MGAT4C: variants seen among roughly 807,000 people sequenced by gnomAD.
MGAT4C encodes alpha-1,3-mannosyl-glycoprotein 4-beta-N-acetylglucosaminyltransferase C.
Under a neutral mutation model 40.1 loss-of-function variants are expected in MGAT4C, and 19 were observed. The observed-to-expected ratio is 0.47, with a 90% CI of 0.33 to 0.70. MGAT4C has a LOEUF of 0.70. MGAT4C is among the 30% of genes least tolerant of loss of function. The pLI is 0.02. For synonymous variants in MGAT4C, 181 were observed against 187.1 expected (o/e 0.97, Z 0.27); for missense variants, 491 against 563.2 (o/e 0.87, Z 1.30).
intron 3 of MGAT4C, among the ~76,000 whole-genome samples, chr12:86,363,948 T>C (rs550761762): frequency 7.5e-6 from 1 of 133,608 alleles, no homozygotes; most frequent in South Asian, 2.7e-4. Context: ...ACCAAATCTC[T>C]TTCTCACTCT....
At position 85,964,341 on chromosome 12, in the gene MGAT4C, C is replaced by G. The variant is rs998866089; in HGVS notation, c.*14948G>C. ...AGACAAATGTATAGGATATTTTTCTCTGTTGTTATGCAAGGATTTATTATC... is the reference window on the plus strand; with the variant it reads ...AGACAAATGTATAGGATATTTTTCTGTGTTGTTATGCAAGGATTTATTATC... On this transcript the variant is annotated 3_prime_UTR_variant, in exon 5 of 5. Transcript: ENST00000611864. 2 of 151,942 alleles carry G rather than the reference C, an allele frequency of 1.3e-5. No individual in the cohort carries two copies. The highest frequency in any genetic ancestry group is 4.8e-5 in the African/African-American group (2 of 41,412). The allele number at this position is 151,942 out of a possible 1,614,324, so 9.4% of individuals were successfully genotyped here.
rs970154646 is a variant in MGAT4C, at chr12:86,803,235, C to T, written c.-262+35431G>A. Among the ~76,000 whole-genome samples the T allele has an allele frequency of 2.3e-4, 35 of 150,358 alleles. No homozygotes were observed. The East Asian group carries it at 4.5e-3, about 19-fold the overall frequency. On this transcript the variant is annotated intron_variant, in intron 1 of 7. Coordinates refer to the MGAT4C transcript ENST00000548651. Reference sequence around the variant, plus strand: ...ATATGTAGAAAGCTGAAACTGGATCCCTCCCTTACACCTTATACAAAAATC... The same window carrying T: ...ATATGTAGAAAGCTGAAACTGGATCTCTCCCTTACACCTTATACAAAAATC...
chr12:86,159,248 G>A (rs1279438124), intron 1 of MGAT4C, among the ~76,000 whole-genome samples: 1 of 152,016 alleles, frequency 6.6e-6, no homozygotes, highest in East Asian at 1.9e-4. Flanking sequence ...ATGATGGGAT[G>A]CTGGATTTTA....
intron 1 of MGAT4C, among the ~76,000 whole-genome samples, chr12:86,249,491 C>A (rs886741912): frequency 5.9e-5 from 9 of 152,130 alleles, no homozygotes; most frequent in Non-Finnish European, 1.0e-4. Context: ...AGGAAGCATT[C>A]CTCATTTTCT....
chr12:86,053,280 A>G (rs1893068553), intron 1 of MGAT4C, among the ~76,000 whole-genome samples: 1 of 151,046 alleles, frequency 6.6e-6, no homozygotes. Flanking sequence ...TGAGATGACT[A>G]AGAGACAAAT....
At chr12:86,216,274 C>T (rs1161535570) in intron 1 of MGAT4C, among the ~76,000 whole-genome samples, 2 of 152,030 alleles carry the variant, frequency 1.3e-5, no homozygotes. Context: ...ATCAGAAACA[C>T]CAAGAAAGTA....
rs191918941 is a variant in MGAT4C at position 86,356,006 on chromosome 12, C to G, written c.-119-21879G>C. Among the ~76,000 whole-genome samples the G allele has an allele frequency of 3.9e-3, 599 of 151,862 alleles. 1 individual carries two copies. Among genetic ancestry groups the G allele is most frequent in the Non-Finnish European group, 6.8e-3 (460 of 67,948 alleles). On this transcript the variant is annotated intron_variant, in intron 3 of 7. Transcript: ENST00000548651. ...GAGGGGGTTGCATAAATAAAGAAAC[C>G]CAGATGGTGGTAAGATATCTAGATT...
chr12:86,070,081 T>G (rs1200172877), intron 1 of MGAT4C, among the ~76,000 whole-genome samples: 1 of 150,036 alleles, frequency 6.7e-6, no homozygotes, highest in Non-Finnish European at 1.5e-5. Flanking sequence ...GTAGGAACTT[T>G]GCATTGGATT....
Position 85,964,389 on chromosome 12 carries a change from A to C in MGAT4C, c.*14900T>G, listed in dbSNP as rs1883254027. 1 of 152,100 alleles carries C rather than the reference A, an allele frequency of 6.6e-6. No individual in the cohort carries two copies. Among genetic ancestry groups the C allele is most frequent in the Non-Finnish European group, 1.5e-5 (1 of 67,980 alleles). 9.4% of individuals were successfully genotyped at this position (152,100 alleles called of 1,614,324 possible). A position where few individuals can be genotyped will look rare whatever the true frequency, so the allele number is the denominator to read the frequency against. On this transcript the variant is annotated 3_prime_UTR_variant, in exon 5 of 5. Transcript: ENST00000611864. ...ATCACATTGGCCACAGAACACATAG[A>C]ATGTTAGTTTTGTAGAAAATTTTAG...
At chr12:86,425,269 T>C (rs533889856) in intron 3 of MGAT4C, among the ~76,000 whole-genome samples, 8 of 152,160 alleles carry the variant, frequency 5.3e-5, no homozygotes, top group Non-Finnish European at 1.0e-4. Context: ...GTAGGTAATC[T>C]CCACGAGTTG....
At chr12:86,278,198 A>G (rs377165985) in intron 4 of MGAT4C, among the ~76,000 whole-genome samples, 1 of 21,140 alleles carries the variant, frequency 4.7e-5, no homozygotes, top group African/African-American at 1.2e-4. Context: ...TTTTTTTTTA[A>G]GATGGAGTTT....
intron 2 of MGAT4C, among the ~76,000 whole-genome samples, chr12:86,611,349 A>G (rs1962256669): frequency 6.6e-6 from 1 of 152,052 alleles, no homozygotes; most frequent in Non-Finnish European, 1.5e-5. Context: ...CGTATGATAG[A>G]TAGACAGGCA....
At chr12:86,405,200 A>G (rs948052993) in intron 3 of MGAT4C, among the ~76,000 whole-genome samples, 1 of 152,006 alleles carries the variant, frequency 6.6e-6, no homozygotes, top group African/African-American at 2.4e-5. Context: ...ATTAAGGGAG[A>G]AATAAAACTG....
At chr12:86,121,797 C>T (rs937683792) in intron 1 of MGAT4C, among the ~76,000 whole-genome samples, 2 of 152,230 alleles carry the variant, frequency 1.3e-5, no homozygotes, top group Middle Eastern at 3.4e-3. Context: ...AAAAACATGC[C>T]AAAAGCAGAT....
chr12:86,737,658 A>G (rs1205035150), intron 1 of MGAT4C, among the ~76,000 whole-genome samples: 3 of 151,378 alleles, frequency 2.0e-5, no homozygotes, highest in Non-Finnish European at 4.4e-5. Context: ...ATAAAATTTA[A>G]TAAGTCAAGA....
intron 3 of MGAT4C, among the ~76,000 whole-genome samples, chr12:86,354,641 C>A (rs1955265864): frequency 6.6e-6 from 1 of 151,978 alleles, no homozygotes; most frequent in African/African-American, 2.4e-5. Flanking sequence ...AATTAGTGAA[C>A]CTGAAGGTAT....
At chr12:86,587,093 A>G (rs1038434551) in intron 2 of MGAT4C, among the ~76,000 whole-genome samples, 10 of 151,868 alleles carry the variant, frequency 6.6e-5, no homozygotes, top group African/African-American at 2.4e-4. Context: ...TAGGTCTAAC[A>G]TTTAAGTCTT....
At chr12:86,441,619 C>T (rs981442930) in intron 2 of MGAT4C, among the ~76,000 whole-genome samples, 1 of 151,042 alleles carries the variant, frequency 6.6e-6, no homozygotes, top group Admixed American at 6.6e-5. Flanking sequence ...GTTCTTGCAA[C>T]AGTTTGCTGA....
At chr12:86,574,354 G>T (rs1309482673) in intron 2 of MGAT4C, among the ~76,000 whole-genome samples, 1 of 151,678 alleles carries the variant, frequency 6.6e-6, no homozygotes, top group Admixed American at 6.6e-5. Context: ...TATTTGCAGT[G>T]TCAGCACCTG....
Sources: gnomAD v4.1 joint callset for allele counts (sites outside exome capture counted in the v4.1 genomes callset) on GRCh38, gnomAD v4.1.1 for gene constraint, MANE v1.5 for transcripts, NCBI Gene and HGNC (gene_info 2026-07-23, HGNC 2026-07-21) for gene names.